The following ZC3HC1 variants were observed in gnomAD, a reference collection of about 807,000 sequenced individuals.
The protein encoded by ZC3HC1 is zinc finger C3HC-type protein 1.
In ZC3HC1, 38 loss-of-function variants were observed where a neutral mutation model predicts 61.9. The ratio of observed to expected loss-of-function variants is 0.61; its 90% CI spans 0.47 to 0.81. The LOEUF is 0.81. Among genes scored for constraint, ZC3HC1 ranks in the 30% least tolerant of loss-of-function variants. ZC3HC1 has a pLI of 0.00. For synonymous variants in ZC3HC1, 213 were observed against 229.9 expected (o/e 0.93, Z 0.67); for missense variants, 554 against 622.7 (o/e 0.89, Z 1.17).
intron 2 of ZC3HC1, chr7:130,043,405 C>T (rs1314945370): frequency 6.5e-6 from 1 of 152,686 alleles, no homozygotes; most frequent in Non-Finnish European, 1.5e-5. Flanking sequence ...GAAAGACATT[C>T]CAACATCAGC....
At chr7:130,031,940 T>C (rs564728377) in intron 4 of ZC3HC1, among the ~76,000 whole-genome samples, 22 of 152,264 alleles carry the variant, frequency 1.4e-4, no homozygotes, top group Non-Finnish European at 1.5e-5. Context: ...AAAGTTGATT[T>C]TGAGGCCGGG....
rs1794563216 is a variant in ZC3HC1 at position 130,039,512 on chromosome 7, A to G, written c.445T>C (p.Cys149Arg). The part of the protein sequence containing the change: ...QRCAELKKAL[C>R]TAHEKFCFWP... ...AAACAGAACTTCTCATGGGCAGTACACAAGGCTTTCTTCAGCTCAGCACAT... is the reference window on the plus strand; with the variant it reads ...AAACAGAACTTCTCATGGGCAGTACGCAAGGCTTTCTTCAGCTCAGCACAT... The change falls in exon 4 of 10, where the codon TGT (cysteine) becomes CGT (arginine). Residue 149 changes from cysteine to arginine, a missense_variant. Physicochemically the swap from Cys to Arg is radical, Grantham distance 180. Coordinates refer to ENST00000358303, the MANE Select transcript of ZC3HC1 (RefSeq NM_016478.5). 1.9e-6 allele frequency: 3 copies of G among 1,612,574 alleles called. No individual in the cohort carries two copies. The highest frequency in any genetic ancestry group is 1.7e-6 in the Non-Finnish European group (2 of 1,179,716).
chr7:130,026,060 A>G, intron 6 of ZC3HC1, 98 bp downstream of exon 6: 1 of 1,385,794 alleles, frequency 7.2e-7, no homozygotes, highest in South Asian at 1.6e-5. Context: ...TTCTCACGGG[A>G]AACACCATGT....
chr7:130,047,025 T>C (rs1403073323), intron 2 of ZC3HC1, among the ~76,000 whole-genome samples: 1 of 152,080 alleles, frequency 6.6e-6, no homozygotes, highest in Non-Finnish European at 1.5e-5. Context: ...TGCAGTGGCA[T>C]GATCTCGGCT....
intron 2 of ZC3HC1, among the ~76,000 whole-genome samples, chr7:130,045,966 C>T (rs1794849144): frequency 6.6e-6 from 1 of 151,026 alleles, no homozygotes; most frequent in Admixed American, 6.6e-5. Context: ...TGATACTATG[C>T]AGCCATAAAA....
At chr7:130,044,091 C>T (rs770029950) in intron 2 of ZC3HC1, among the ~76,000 whole-genome samples, 1 of 151,942 alleles carries the variant, frequency 6.6e-6, no homozygotes, top group Non-Finnish European at 1.5e-5. Flanking sequence ...TGTGTGTGTA[C>T]ATAAACATAT....
chr7:130,049,545 T>C (rs1381695545), intron 1 of ZC3HC1, among the ~76,000 whole-genome samples: 1 of 145,544 alleles, frequency 6.9e-6, no homozygotes, highest in Non-Finnish European at 1.5e-5. Context: ...CTTCAGAAAT[T>C]CGACTTTTTT....
At position 130,028,969 on chromosome 7, in the gene ZC3HC1, CG is replaced by C; in HGVS notation, c.553del (p.Arg185ValfsTer15). 6.2e-7 allele frequency: 1 copy of C among 1,613,738 alleles called. No homozygotes were observed. Among genetic ancestry groups the C allele is most frequent in the Non-Finnish European group, 8.5e-7 (1 of 1,179,778 alleles). ...PAILVSEFLD[R>X]FQSLCHLDLQ... Reference sequence around the variant, plus strand: ...GTCCAAGTGACAAAGGCTTTGAAAACGATCTAGGAATTCACTAACAAGAATA... The same window carrying C: ...GTCCAAGTGACAAAGGCTTTGAAAACATCTAGGAATTCACTAACAAGAATA... On this transcript the variant is annotated frameshift_variant, in exon 5 of 10. Transcript: ENST00000358303. LOFTEE classifies it high-confidence loss of function.
Position 130,024,381 on chromosome 7 carries a change from G to A in ZC3HC1, c.902C>T (p.Thr301Ile). ...MTDLDASFGL[T>I]SSPIPGLEGR... is the part of the protein sequence containing the mutation. ...CTCAAGGCCTGGGATTGGGGAGCTG[G>A]TCAGGCCAAAGGATGCATCCAGGTC... is the stretch of plus-strand genomic sequence containing the variant. The change falls in exon 7 of 10, where the codon ACC becomes ATC. Residue 301 changes from threonine to isoleucine, a missense_variant. Coordinates refer to ENST00000358303, the MANE Select transcript of ZC3HC1 (RefSeq NM_016478.5). The A allele has an allele frequency of 6.2e-7, 1 of 1,614,084 alleles. No individual in the cohort carries two copies. The highest frequency in any genetic ancestry group is 1.1e-5 in the South Asian group (1 of 91,082).
At chr7:130,018,994 T>A (rs1793497370) in intron 9 of ZC3HC1, among the ~76,000 whole-genome samples, 1 of 152,052 alleles carries the variant, frequency 6.6e-6, no homozygotes, top group Non-Finnish European at 1.5e-5. Flanking sequence ...CTCATCTTTG[T>A]ACTTGAGGAT....
intron 7 of ZC3HC1, 120 bp downstream of exon 7, chr7:130,024,143 C>T (rs111751800): frequency 0.019 from 25,886 of 1,366,180 alleles, 294 homozygotes; most frequent in African/African-American, 0.031. Context: ...TATGTGGTAT[C>T]GTAACCAATG....
chr7:130,026,340 G>A (rs144945327), intron 5 of ZC3HC1, 28 bp from the exon 6 acceptor site: 27,957 of 1,586,798 alleles, frequency 0.018, 307 homozygotes, highest in Middle Eastern at 0.019. Flanking sequence ...AAAAAACTTC[G>A]TTTCAACCAC....
rs563196678 is a variant in ZC3HC1, at chr7:130,032,463, T to C, written c.494-3434A>G. ...GAGTTTGAGATCAGCCTGGGCAATA[T>C]AGTGAGACCCCATCTCTACCAAAAA... On this transcript the variant is annotated intron_variant, in intron 4 of 9. Coordinates refer to ENST00000358303, the MANE Select transcript of ZC3HC1 (RefSeq NM_016478.5). Among the ~76,000 whole-genome samples, 25 of 149,464 alleles carry C rather than the reference T, an allele frequency of 1.7e-4. No individual in the cohort carries two copies. The East Asian group carries it at 3.0e-3, about 18-fold the overall frequency.
chr7:130,039,307 G>C (rs1254054077), intron 4 of ZC3HC1, 157 bp downstream of exon 4: 1 of 653,952 alleles, frequency 1.5e-6, no homozygotes, highest in Non-Finnish European at 2.6e-6. Flanking sequence ...TCGCGCCACT[G>C]TACTCCAGCC....
At chr7:130,020,091 AG>A (rs1421149519) in intron 9 of ZC3HC1, among the ~76,000 whole-genome samples, 1 of 151,978 alleles carries the variant, frequency 6.6e-6, no homozygotes, top group Non-Finnish European at 1.5e-5. Context: ...CTGGGATTAC[AG>A]GCGTGAGCCA....
intron 2 of ZC3HC1, among the ~76,000 whole-genome samples, chr7:130,042,630 G>A (rs1049807308): frequency 6.6e-6 from 1 of 152,214 alleles, no homozygotes; most frequent in African/African-American, 2.4e-5. Context: ...TATTTGGAAA[G>A]GTATCCTAAA....
chr7:130,045,877 T>A (rs1238741073), intron 2 of ZC3HC1, among the ~76,000 whole-genome samples: 3 of 103,308 alleles, frequency 2.9e-5, no homozygotes, highest in African/African-American at 4.1e-5. Flanking sequence ...GGTGGCAGAG[T>A]AAGACTCCAT....
intron 8 of ZC3HC1, 94 bp from the exon 9 acceptor site, chr7:130,022,619 ACTACC>A: frequency 7.8e-7 from 1 of 1,274,998 alleles, no homozygotes; most frequent in African/African-American, 1.5e-5. Flanking sequence ...GAATCTCACA[ACTACC>A]CATACTTCGA....
At chr7:130,049,820 G>GAGT (rs1795006048) in intron 1 of ZC3HC1, among the ~76,000 whole-genome samples, 1 of 151,812 alleles carries the variant, frequency 6.6e-6, no homozygotes, top group Admixed American at 6.6e-5. Context: ...AAAGTGCTGG[G>GAGT]ATTACAGGCG....
Sources: gnomAD v4.1 joint callset for allele counts (sites outside exome capture counted in the v4.1 genomes callset) on GRCh38, gnomAD v4.1.1 for gene constraint, MANE v1.5 for transcripts, NCBI Gene and HGNC (gene_info 2026-07-23, HGNC 2026-07-21) for gene names.